EZR: variants seen among roughly 807,000 people sequenced by gnomAD.
The protein encoded by EZR is cytovillin 2.
A neutral mutation model predicts 74.8 loss-of-function variants in EZR; 40 were observed. That is an observed-to-expected ratio of 0.53 (90% confidence interval 0.42 to 0.70). The LOEUF (loss-of-function observed/expected upper bound fraction) is 0.70, where lower values mean the gene tolerates loss of function less well. Ranked by LOEUF, EZR falls within the 30% of genes least tolerant of loss-of-function variation. The pLI, the probability that EZR is intolerant of heterozygous loss-of-function variation, is 0.00. For synonymous variants in EZR, 341 were observed against 283.3 expected (o/e 1.20, Z -2.05); for missense variants, 678 against 755.8 (o/e 0.90, Z 1.21).
chr6:158,791,453 C>A (rs898979695), intron 2 of EZR, among the ~76,000 whole-genome samples: 1 of 152,060 alleles, frequency 6.6e-6, no homozygotes, highest in Admixed American at 6.6e-5. Context: ...GGAAAACCAG[C>A]CCCAAGTCAA....
rs371187717 is a variant in EZR at position 158,818,162 on chromosome 6, C to T, written c.-69G>A. 75 of 1,583,928 alleles carry T rather than the reference C, an allele frequency of 4.7e-5. No individual in the cohort carries two copies. The highest frequency in any genetic ancestry group is 2.5e-4 in the Admixed American group (15 of 59,504). ...ATCCAGCAGCAGCGAAGACGCTGTC[C>T]CAACCTGGAGTCAGAGCAGAACCCT... On this transcript the variant is annotated 5_prime_UTR_variant, in exon 2 of 14. Transcript: ENST00000367075.
Position 158,766,298 on chromosome 6 carries a change from C to CAAAAAAAAAAAAAA in EZR, c.*602_*615dup, listed in dbSNP as rs560786138. On this transcript the variant is annotated 3_prime_UTR_variant, in exon 14 of 14. Transcript: ENST00000367075. ...TACAATGTATTCTAAAACTGTTAAG[C>CAAAAAAAAAAAAAA]AAAAAAAAAAAAAACAAAAAAAAAA... 1 of 90,154 alleles carries CAAAAAAAAAAAAAA rather than the reference C, an allele frequency of 1.1e-5. No homozygotes were observed. Among genetic ancestry groups the CAAAAAAAAAAAAAA allele is most frequent in the African/African-American group, 3.7e-5 (1 of 26,714 alleles). The allele number at this position is 90,154 out of a possible 1,614,324, so 5.6% of individuals were successfully genotyped here. A position where few individuals can be genotyped will look rare whatever the true frequency, so the allele number is the denominator to read the frequency against.
rs554739679 is a variant in EZR, at chr6:158,810,369, C to G, written c.12+7713G>C. 4.5e-4 allele frequency among the ~76,000 whole-genome samples: 68 copies of G among 152,216 alleles called. 1 individual carries two copies. In the South Asian group the frequency reaches 0.013, roughly 29 times the overall value. ...ACACTTACCCAAAGGATCTTACCAGCCGGGAGGCCCTCCCTGGTCTCCAGG... is the reference window on the plus strand; with the variant it reads ...ACACTTACCCAAAGGATCTTACCAGGCGGGAGGCCCTCCCTGGTCTCCAGG... On this transcript the variant is annotated intron_variant, in intron 2 of 13. Transcript: ENST00000367075.
intron 6 of EZR, among the ~76,000 whole-genome samples, chr6:158,784,294 C>G (rs1359550473): frequency 6.6e-6 from 1 of 152,170 alleles, no homozygotes; most frequent in African/African-American, 2.4e-5. Context: ...AGACAAGTAC[C>G]TTCATATAAT....
chr6:158,775,580 A>G (rs1366804016), intron 8 of EZR, among the ~76,000 whole-genome samples: 1 of 152,216 alleles, frequency 6.6e-6, no homozygotes, highest in Admixed American at 6.5e-5. Context: ...CCAAAATTAC[A>G]TGAGAACACA....
At chr6:158,767,904 A>G (rs1790954755) in intron 12 of EZR, among the ~76,000 whole-genome samples, 1 of 151,784 alleles carries the variant, frequency 6.6e-6, no homozygotes, top group Non-Finnish European at 1.5e-5. Context: ...AGCTTCACAC[A>G]CACCCAGTCC....
At chr6:158,799,336 C>T (rs3102995) in intron 2 of EZR, among the ~76,000 whole-genome samples, 79,884 of 152,082 alleles carry the variant, frequency 0.53, 21,926 homozygotes, top group Non-Finnish European at 0.61. Context: ...GCCAAGGTCA[C>T]GCTATGACCA....
intron 2 of EZR, among the ~76,000 whole-genome samples, chr6:158,794,499 ACTGTATGATT>A (rs1316899818): frequency 6.6e-6 from 1 of 152,282 alleles, no homozygotes; most frequent in East Asian, 1.9e-4. Flanking sequence ...TGGTACTGGG[ACTGTATGATT>A]CTGATACACA....
chr6:158,786,988 A>C (rs1791598993), intron 4 of EZR, 120 bp downstream of exon 4: 3 of 755,010 alleles, frequency 4.0e-6, no homozygotes, highest in Non-Finnish European at 6.5e-6. Context: ...GTCTGTAAAA[A>C]CTTTTACACA....
chr6:158,780,231 A>G (rs1791397564), intron 7 of EZR, among the ~76,000 whole-genome samples: 3 of 151,956 alleles, frequency 2.0e-5, no homozygotes, highest in Admixed American at 2.0e-4. Flanking sequence ...AATCCAAAAT[A>G]TGTAGCTGAG....
chr6:158,790,701 A>G (rs1338743100), intron 2 of EZR, among the ~76,000 whole-genome samples: 9 of 151,898 alleles, frequency 5.9e-5, no homozygotes, highest in Non-Finnish European at 1.3e-4. Flanking sequence ...AAAACCCACC[A>G]CCACAACAAC....
At chr6:158,818,389 G>A (rs1411143771) in intron 1 of EZR, among the ~76,000 whole-genome samples, 1 of 151,324 alleles carries the variant, frequency 6.6e-6, no homozygotes, top group African/African-American at 2.4e-5. Flanking sequence ...GGGGGCGCGC[G>A]CCCAAGGGGC....
At chr6:158,797,128 A>AC (rs1777090290) in intron 2 of EZR, among the ~76,000 whole-genome samples, 4 of 152,200 alleles carry the variant, frequency 2.6e-5, no homozygotes, top group Non-Finnish European at 5.9e-5. Context: ...CTTATAGGTT[A>AC]CCTCTACAAT....
At chr6:158,767,739 A>C (rs1395621120) in intron 12 of EZR, among the ~76,000 whole-genome samples, 1 of 151,930 alleles carries the variant, frequency 6.6e-6, no homozygotes, top group Non-Finnish European at 1.5e-5. Context: ...CAGTTTTAAA[A>C]CTACCATTTC....
intron 8 of EZR, among the ~76,000 whole-genome samples, chr6:158,772,300 C>G (rs568327399): frequency 6.6e-6 from 1 of 152,260 alleles, no homozygotes; most frequent in Admixed American, 6.5e-5. Flanking sequence ...CAGACAGCCA[C>G]GTGCGAGCTC....
intron 3 of EZR, among the ~76,000 whole-genome samples, chr6:158,787,814 A>C (rs1426594867): frequency 6.6e-6 from 1 of 152,102 alleles, no homozygotes; most frequent in African/African-American, 2.4e-5. Flanking sequence ...CATCTTATAG[A>C]CCTCCAGAAA....
intron 7 of EZR, 22 bp downstream of exon 7, chr6:158,783,498 A>G (rs370109709): frequency 2.4e-5 from 38 of 1,603,856 alleles, no homozygotes; most frequent in Admixed American, 2.0e-4. Flanking sequence ...CCTACTGAAG[A>G]TAACTGTGAA....
rs1024555947 is a variant in EZR, at chr6:158,791,706, A to T, written c.13-2335T>A. Among the ~76,000 whole-genome samples the T allele has an allele frequency of 2.6e-3, 249 of 96,218 alleles. 5 individuals are homozygous for T. Among genetic ancestry groups the T allele is most frequent in the Admixed American group, 0.015 (124 of 8,186 alleles). The allele number at this position is 96,218 out of a possible 152,430, so 63.1% of individuals were successfully genotyped here. On this transcript the variant is annotated intron_variant, in intron 2 of 13. Transcript: ENST00000367075. Reference sequence around the variant, plus strand: ...CCATGCACACGAGATTTCAGACTCCATTTTTTTTTTTTTTTTTTTTGAGAC... The same window carrying T: ...CCATGCACACGAGATTTCAGACTCCTTTTTTTTTTTTTTTTTTTTTGAGAC...
At chr6:158,800,902 T>C (rs1048825391) in intron 2 of EZR, among the ~76,000 whole-genome samples, 2 of 152,266 alleles carry the variant, frequency 1.3e-5, no homozygotes, top group African/African-American at 4.8e-5. Flanking sequence ...TCAAGCTTTC[T>C]GTATCTTAAA....
Sources: allele counts gnomAD v4.1 joint callset (sites outside exome capture counted in the v4.1 genomes callset), GRCh38; gene constraint gnomAD v4.1.1; transcripts MANE v1.5; gene names NCBI Gene and HGNC (gene_info 2026-07-23, HGNC 2026-07-21).